Variants in UBR3 observed in about 807,000 individuals in gnomAD.
UBR3 encodes the protein ubiquitin protein ligase E3 component n-recognin 3.
UBR3 carries 85 observed loss-of-function variants against 243.2 expected under a neutral mutation model. The observed-to-expected ratio is 0.35, with a 90% confidence interval of 0.29 to 0.42. UBR3 has a LOEUF of 0.42. Ranked by LOEUF, UBR3 falls within the 10% of genes least tolerant of loss-of-function variation. The pLI, the probability that UBR3 is intolerant of heterozygous loss-of-function variation, is 1.00. For missense variants in UBR3, 1,686 were observed against 2,300.8 expected (o/e 0.73, Z 5.47); for synonymous variants, 748 against 799.8 (o/e 0.94, Z 1.09).
chr2:169,865,615 A>C, intron 1 of UBR3, among the ~76,000 whole-genome samples: 1 of 152,078 alleles, frequency 6.6e-6, no homozygotes. Flanking sequence ...TCCTGCACAA[A>C]GTGTCCAAGA....
At chr2:170,000,881 C>T (rs1032133056) in intron 26 of UBR3, among the ~76,000 whole-genome samples, 5 of 152,024 alleles carry the variant, frequency 3.3e-5, no homozygotes, top group East Asian at 1.9e-4. Context: ...GAGGCAGGAA[C>T]GAAACCGAGA....
chr2:169,828,847 G>A (rs189236111), intron 1 of UBR3, among the ~76,000 whole-genome samples: 1 of 152,282 alleles, frequency 6.6e-6, no homozygotes, highest in East Asian at 1.9e-4. Context: ...TCTAAAAGGA[G>A]ACAACAAATG....
At chr2:169,914,254 G>T (rs2085365463) in intron 11 of UBR3, 108 bp downstream of exon 11, 1 of 498,756 alleles carries the variant, frequency 2.0e-6, no homozygotes. Context: ...TTTCATAGGC[G>T]AGGGAAGGAA....
chr2:169,890,454 G>C (rs527247194), intron 5 of UBR3, among the ~76,000 whole-genome samples: 9 of 149,758 alleles, frequency 6.0e-5, no homozygotes, highest in Non-Finnish European at 1.2e-4. Flanking sequence ...ACTTGAATAG[G>C]TTGTGAGTGT....
At chr2:170,075,685 T>A (rs1475009464) in intron 36 of UBR3, among the ~76,000 whole-genome samples, 1 of 152,094 alleles carries the variant, frequency 6.6e-6, no homozygotes, top group Admixed American at 6.6e-5. Context: ...CTAACCCTGA[T>A]CCTGACCCTA....
chr2:169,874,002 C>CA (rs976671810), intron 2 of UBR3, among the ~76,000 whole-genome samples: 8 of 151,954 alleles, frequency 5.3e-5, no homozygotes. Context: ...AAAATGTAGA[C>CA]AACGTAAGTA....
intron 24 of UBR3, among the ~76,000 whole-genome samples, chr2:169,962,667 G>A (rs2087631795): frequency 6.6e-6 from 1 of 152,012 alleles, no homozygotes; most frequent in Non-Finnish European, 1.5e-5. Context: ...CATACATAGA[G>A]ATTTCCTCTC....
chr2:169,881,982 T>G (rs1338379556), intron 5 of UBR3, among the ~76,000 whole-genome samples: 5 of 114,258 alleles, frequency 4.4e-5, no homozygotes, highest in Non-Finnish European at 7.1e-5. Context: ...TTATATTATA[T>G]ATGTATATGT....
intron 1 of UBR3, among the ~76,000 whole-genome samples, chr2:169,870,416 A>G (rs1574085683): frequency 6.6e-6 from 1 of 152,130 alleles, no homozygotes; most frequent in Non-Finnish European, 1.5e-5. Context: ...GGCATGAGCC[A>G]CCATGTCCGG....
At chr2:169,969,016 A>G (rs912167119) in intron 24 of UBR3, among the ~76,000 whole-genome samples, 3 of 152,138 alleles carry the variant, frequency 2.0e-5, no homozygotes, top group Non-Finnish European at 4.4e-5. Context: ...GACTTATCAG[A>G]TAATTTGTCC....
At chr2:170,072,874 T>A (rs2091729463) in intron 35 of UBR3, among the ~76,000 whole-genome samples, 1 of 152,180 alleles carries the variant, frequency 6.6e-6, no homozygotes, top group Non-Finnish European at 1.5e-5. Context: ...TTTTAAGATA[T>A]GAATTCTTGG....
rs1203424566 is a variant in UBR3 at position 169,925,661 on chromosome 2, G to C, written c.2065G>C (p.Gly689Arg). ...CCACAGCAATATGTGGGTAAGAAAT[G>C]GTCTGCAAATCAAAGGACAAGCCAT... is the stretch of plus-strand genomic sequence containing the variant. Reference protein sequence around the residue: ...EIHSNMWVRNGLQIKGQAMTY... With the variant: ...EIHSNMWVRNRLQIKGQAMTY... Residue 689 changes from glycine to arginine, a missense_variant, in exon 14 of 39, where the codon GGT becomes CGT. This residue lies in a region of UBR3 where 346 missense variants were observed against 585.8 expected (regional missense o/e 0.59). Coordinates refer to ENST00000272793, the MANE Select transcript of UBR3 (RefSeq NM_172070.4). 6.4e-7 allele frequency: 1 copy of C among 1,550,904 alleles called. No homozygotes were observed. The highest frequency in any genetic ancestry group is 8.7e-7 in the Non-Finnish European group (1 of 1,146,576).
rs186355088 is a variant in UBR3 at position 169,830,460 on chromosome 2, A to T, written c.545+2408A>T. On this transcript the variant is annotated intron_variant, in intron 1 of 38. Coordinates refer to ENST00000272793, the MANE Select transcript of UBR3 (RefSeq NM_172070.4). Reference sequence around the variant, plus strand: ...TTATTTATTCTTTGACTCTGAGATTATTACTTTTATTATTCTCATTGTACA... The same window carrying T: ...TTATTTATTCTTTGACTCTGAGATTTTTACTTTTATTATTCTCATTGTACA... 1.4e-4 allele frequency among the ~76,000 whole-genome samples: 22 copies of T among 152,234 alleles called. No homozygotes were observed. The East Asian group carries it at 3.7e-3, about 25-fold the overall frequency.
intron 30 of UBR3, 109 bp downstream of exon 30, chr2:170,015,475 C>T: frequency 2.7e-6 from 2 of 729,846 alleles, no homozygotes; most frequent in Non-Finnish European, 4.5e-6. Flanking sequence ...TATATATGAT[C>T]TATTTAGATA....
intron 31 of UBR3, among the ~76,000 whole-genome samples, chr2:170,031,974 G>A (rs1378658805): frequency 6.6e-6 from 1 of 152,144 alleles, no homozygotes; most frequent in Non-Finnish European, 1.5e-5. Flanking sequence ...GAATAGTGCT[G>A]TGATGTACAT....
intron 11 of UBR3, among the ~76,000 whole-genome samples, chr2:169,920,294 C>T (rs57663258): frequency 0.044 from 6,637 of 151,982 alleles, 164 homozygotes; most frequent in Middle Eastern, 0.068. Context: ...GGAAGGGGAA[C>T]GTCACACACC....
intron 1 of UBR3, among the ~76,000 whole-genome samples, chr2:169,846,536 T>C (rs2082484543): frequency 6.6e-6 from 1 of 151,946 alleles, no homozygotes; most frequent in South Asian, 2.1e-4. Context: ...GTGGTGAAAC[T>C]CCGTCTCTAC....
At chr2:169,852,883 A>AAAAAAAAAAAAAAAAAAAAAAAC (rs1491293579) in intron 1 of UBR3, among the ~76,000 whole-genome samples, 1 of 59,732 alleles carries the variant, frequency 1.7e-5, no homozygotes, top group African/African-American at 3.5e-5. Context: ...AAAAAACAAA[A>AAAAAAAAAAAAAAAAAAAAAAAC]CCAAACAAAT....
intron 1 of UBR3, among the ~76,000 whole-genome samples, chr2:169,870,658 A>T (rs2083404775): frequency 6.6e-6 from 1 of 151,412 alleles, no homozygotes; most frequent in South Asian, 2.1e-4. Context: ...TATTATTATT[A>T]TTATTTTTTT....
Sources: gnomAD v4.1 joint callset for allele counts (sites outside exome capture counted in the v4.1 genomes callset) on GRCh38, gnomAD v4.1.1 for gene constraint, gnomAD v4.1.1 regional missense constraint, MANE v1.5 for transcripts, NCBI Gene and HGNC (gene_info 2026-07-23, HGNC 2026-07-21) for gene names.